MBD5: variants seen among roughly 807,000 people sequenced by gnomAD.
The protein encoded by MBD5 is methyl-CpG-binding domain protein 5.
MBD5 carries 13 observed loss-of-function variants against 117.3 expected under a neutral mutation model. That is an observed-to-expected ratio of 0.11 (90% CI 0.07 to 0.18). The LOEUF (loss-of-function observed/expected upper bound fraction) is 0.18, where lower values mean the gene tolerates loss of function less well. Among genes scored for constraint, MBD5 ranks in the 10% least tolerant of loss-of-function variants. The probability of loss-of-function intolerance (pLI) is 1.00; values close to 1 mark genes in which losing one functional copy is unlikely to be tolerated. For missense variants in MBD5, 1,879 were observed against 2,093.8 expected, an observed-to-expected ratio of 0.90 and a Z score of 2.00; for synonymous variants, 727 against 766.4, an observed-to-expected ratio of 0.95 and a Z score of 0.85.
intron 3 of MBD5, among the ~76,000 whole-genome samples, chr2:148,265,395 C>G (rs1189333535): frequency 6.6e-6 from 1 of 152,052 alleles, no homozygotes; most frequent in African/African-American, 2.4e-5. Context: ...TTTTAAAATT[C>G]ACAATGTATT....
chr2:148,133,178 A>G (rs1697091891), intron 1 of MBD5, among the ~76,000 whole-genome samples: 2 of 152,216 alleles, frequency 1.3e-5, no homozygotes, highest in Non-Finnish European at 2.9e-5. Flanking sequence ...AAGCCAAAAA[A>G]TCTATCTGCT....
intron 3 of MBD5, among the ~76,000 whole-genome samples, chr2:148,288,950 A>G (rs760449537): frequency 1.3e-5 from 2 of 152,184 alleles, no homozygotes; most frequent in Non-Finnish European, 1.5e-5. Flanking sequence ...CTCTCATCTG[A>G]ATTTCCAGAG....
intron 4 of MBD5, among the ~76,000 whole-genome samples, chr2:148,449,910 T>C (rs894240233): frequency 6.6e-6 from 1 of 152,004 alleles, no homozygotes; most frequent in African/African-American, 2.4e-5. Context: ...ATAGAAAAAT[T>C]TGAAAATCCA....
chr2:148,157,773 A>G (rs564061724), intron 1 of MBD5, among the ~76,000 whole-genome samples: 2 of 152,344 alleles, frequency 1.3e-5, no homozygotes, highest in South Asian at 4.1e-4. Context: ...TACACATAGA[A>G]GTAAGTGTGC....
intron 1 of MBD5, among the ~76,000 whole-genome samples, chr2:148,039,374 C>T (rs896979330): frequency 5.9e-5 from 9 of 151,982 alleles, no homozygotes; most frequent in African/African-American, 2.2e-4. Flanking sequence ...ACTTAAAAAA[C>T]CGAATATGCA....
intron 8 of MBD5, among the ~76,000 whole-genome samples, chr2:148,476,043 G>T (rs1191312117): frequency 6.6e-6 from 1 of 152,186 alleles, no homozygotes; most frequent in African/African-American, 2.4e-5. Context: ...AAGTCTGAAG[G>T]AGTTGCTGAG....
intron 3 of MBD5, among the ~76,000 whole-genome samples, chr2:148,321,653 A>T (rs1702284957): frequency 6.6e-6 from 1 of 152,178 alleles, no homozygotes. Flanking sequence ...GATTATAAAT[A>T]TTTTTAAAGC....
chr2:148,485,366 T>TA, intron 9 of MBD5: 1 of 209,792 alleles, frequency 4.8e-6, no homozygotes, highest in Non-Finnish European at 9.7e-6. Context: ...GTCAGATACT[T>TA]ACAATTGCTA....
At chr2:148,168,414 G>A (rs1008739710) in intron 1 of MBD5, among the ~76,000 whole-genome samples, 4 of 152,082 alleles carry the variant, frequency 2.6e-5, no homozygotes, top group African/African-American at 9.7e-5. Context: ...GGCAATTCCC[G>A]TTGGTAGTCA....
At chr2:148,051,438 C>A (rs532804053) in intron 1 of MBD5, among the ~76,000 whole-genome samples, 1 of 150,416 alleles carries the variant, frequency 6.6e-6, no homozygotes, top group East Asian at 2.0e-4. Flanking sequence ...GTTTCCCTGG[C>A]TGGAATGCTT....
At chr2:148,178,626 T>C in intron 1 of MBD5, 74 bp from the exon 2 acceptor site, 1 of 393,156 alleles carries the variant, frequency 2.5e-6, no homozygotes, top group Non-Finnish European at 4.5e-6. Flanking sequence ...AATTTCAATT[T>C]TTTTATATTT....
rs535600384 is a variant in MBD5 at position 148,189,305 on chromosome 2, G to A, written c.-831+10512G>A. ...CTGTAGGCTCCACCTCTGGGGGCAG[G>A]GCACAGACAAACAAAAAGACAGCAG... is the stretch of plus-strand genomic sequence containing the variant. On this transcript the variant is annotated intron_variant, in intron 2 of 13. Coordinates refer to ENST00000642680, the MANE Select transcript of MBD5 (RefSeq NM_001378120.1). Among the ~76,000 whole-genome samples, 28 of 150,850 alleles carry A rather than the reference G, an allele frequency of 1.9e-4. No homozygotes were observed. The South Asian group carries it at 3.3e-3, about 18-fold the overall frequency.
intron 4 of MBD5, among the ~76,000 whole-genome samples, chr2:148,366,280 T>G (rs1703694257): frequency 1.2e-5 from 1 of 84,670 alleles, no homozygotes; most frequent in African/African-American, 4.1e-5. Flanking sequence ...CCAACACCCC[T>G]TCATGCTAAA....
At chr2:148,085,491 A>G (rs1234411) in intron 1 of MBD5, among the ~76,000 whole-genome samples, 139,320 of 151,902 alleles carry the variant, frequency 0.92, 63,968 homozygotes, top group African/African-American at 0.96. Flanking sequence ...TTGGGAGGCC[A>G]AGGCGGGCGG....
intron 4 of MBD5, among the ~76,000 whole-genome samples, chr2:148,436,428 A>G (rs1706159266): frequency 6.6e-6 from 1 of 152,154 alleles, no homozygotes; most frequent in Non-Finnish European, 1.5e-5. Context: ...GCTGGAATGC[A>G]GCGATGTGAT....
chr2:148,429,391 T>A (rs979848950), intron 4 of MBD5, among the ~76,000 whole-genome samples: 2 of 151,886 alleles, frequency 1.3e-5, no homozygotes, highest in Non-Finnish European at 2.9e-5. Flanking sequence ...ACTTTTATAC[T>A]GTTGGTGGAG....
intron 3 of MBD5, among the ~76,000 whole-genome samples, chr2:148,265,288 A>G (rs903887320): frequency 2.6e-5 from 4 of 152,212 alleles, no homozygotes; most frequent in Admixed American, 2.0e-4. Context: ...AATAACAGCA[A>G]CATTTTTGTG....
At chr2:148,358,650 G>T (rs1442190425) in intron 4 of MBD5, among the ~76,000 whole-genome samples, 1 of 151,046 alleles carries the variant, frequency 6.6e-6, no homozygotes, top group Non-Finnish European at 1.5e-5. Flanking sequence ...TGGGTGTGGT[G>T]GTACACGCAT....
intron 4 of MBD5, chr2:148,393,174 G>A (rs989868463): frequency 2.0e-5 from 3 of 152,142 alleles, no homozygotes; most frequent in Non-Finnish European, 2.9e-5. Context: ...TCCTGTGAGA[G>A]TATCTAAATA....
Sources: gnomAD v4.1 joint callset for allele counts (sites outside exome capture counted in the v4.1 genomes callset) on GRCh38, gnomAD v4.1.1 for gene constraint, MANE v1.5 for transcripts, NCBI Gene and HGNC (gene_info 2026-07-23, HGNC 2026-07-21) for gene names.